The following UNC93B1 variants were observed in gnomAD, a reference collection of about 807,000 sequenced individuals.
UNC93B1 encodes unc-93B1 regulator of TLR signaling.
Under a neutral mutation model 56.8 loss-of-function variants are expected in UNC93B1, and 33 were observed. That is an observed-to-expected ratio of 0.58 (90% CI 0.44 to 0.78). The LOEUF is 0.78. UNC93B1 is among the 30% of genes least tolerant of loss of function. The pLI is 0.00. For missense variants in UNC93B1, 673 were observed against 819.5 expected (o/e 0.82, Z 2.18); for synonymous variants, 334 against 358.6 (o/e 0.93, Z 0.77).
Position 67,995,819 on chromosome 11 carries a change from G to T in UNC93B1, c.1155C>A (p.Gly385=). 6.5e-7 allele frequency: 1 copy of T among 1,545,576 alleles called. No homozygotes were observed. The highest frequency in any genetic ancestry group is 8.7e-7 in the Non-Finnish European group (1 of 1,145,990). ...LAYLLVAYSL[G]ASAASLLGLL... ...GGCCCAGGAGTGAGGCGGCTGAGGC[G>T]CCCAGGCTGTAAGCCACGAGGAGGT... The change falls in exon 9 of 11, where the codon GGC becomes GGA. Residue 385 remains glycine, a synonymous_variant. Transcript: ENST00000227471.
intron 7 of UNC93B1, 77 bp from the exon 8 acceptor site, chr11:67,996,861 G>A (rs925962794): frequency 4.3e-5 from 62 of 1,428,548 alleles, no homozygotes; most frequent in Non-Finnish European, 5.7e-5. Flanking sequence ...CCCTTCAGAT[G>A]CACCACGTGC....
rs1434247968 is a variant in UNC93B1, at chr11:67,991,528, C to T, written c.*18G>A. 26 of 1,398,918 alleles carry T rather than the reference C, an allele frequency of 1.9e-5. No homozygotes were observed. The highest frequency in any genetic ancestry group is 4.7e-5 in the South Asian group (3 of 64,358). 86.7% of individuals were successfully genotyped at this position (1,398,918 alleles called of 1,614,324 possible). On this transcript the variant is annotated 3_prime_UTR_variant, in exon 11 of 11. Coordinates refer to ENST00000227471, the MANE Select transcript of UNC93B1 (RefSeq NM_030930.4). ...GGCCGGCGAGGAGGGAGGCTGAGTC[C>T]GGGGACCAGGCGGCCCCTCACTGCT... is the stretch of plus-strand genomic sequence containing the variant.
chr11:68,001,690 T>C (rs1370568790), intron 3 of UNC93B1, among the ~76,000 whole-genome samples: 1 of 142,918 alleles, frequency 7.0e-6, no homozygotes, highest in Admixed American at 6.9e-5. Flanking sequence ...AAACACATAA[T>C]TTAAAAAAAA....
chr11:67,998,440 AG>A lies in UNC93B1; in HGVS notation c.699del (p.Cys234AlafsTer6). The A allele has an allele frequency of 1.9e-6, 3 of 1,613,972 alleles. No individual in the cohort carries two copies. Among genetic ancestry groups the A allele is most frequent in the Non-Finnish European group, 2.5e-6 (3 of 1,179,864 alleles). On this transcript the variant is annotated frameshift_variant, in exon 6 of 11. Transcript: ENST00000227471. LOFTEE classifies it high-confidence loss of function. Reference protein sequence around the residue: ...IFYSFFHLSFACAQLPMIYFL... With the variant: ...IFYSFFHLSFXCAQLPMIYFL... ...AAATAAATCATGGGCAGCTGGGCGC[AG>A]GCGAAGCTCAGCTGCAGAAACAAGG...
rs1376899603 is a variant in UNC93B1, at chr11:68,003,683, C to A, written c.212G>T (p.Gly71Val). Reference protein sequence around the residue: ...LKNVLAASAGGMLTYGVYLGL... With the variant: ...LKNVLAASAGVMLTYGVYLGL... ...CAGGTAGACGCCGTAGGTGAGCATGCCCCCGGCGCTGGCAGCCAGCACGTT... is the reference window on the plus strand; with the variant it reads ...CAGGTAGACGCCGTAGGTGAGCATGACCCCGGCGCTGGCAGCCAGCACGTT... The change falls in exon 2 of 11, where the codon GGC (glycine) becomes GTC (valine). Residue 71 changes from glycine to valine, a missense_variant. Gly to Val is a moderately radical substitution (Grantham distance 109, BLOSUM62 -3). Transcript: ENST00000227471. The surrounding 1 kb of genome is among the most constrained non-coding windows in gnomAD (Gnocchi z 4.4). 6.5e-7 allele frequency: 1 copy of A among 1,529,034 alleles called. No individual in the cohort carries two copies. The highest frequency in any genetic ancestry group is 1.2e-5 in the South Asian group (1 of 82,682). 94.7% of individuals were successfully genotyped at this position (1,529,034 alleles called of 1,614,324 possible).
intron 3 of UNC93B1, among the ~76,000 whole-genome samples, chr11:68,002,381 A>G (rs1045148844): frequency 6.6e-6 from 1 of 152,112 alleles, no homozygotes; most frequent in Non-Finnish European, 1.5e-5. Context: ...GAGATGTTTT[A>G]AATTTTCAAA....
chr11:67,995,496 G>A (rs1411632368), intron 9 of UNC93B1, 115 bp downstream of exon 9: 3 of 903,628 alleles, frequency 3.3e-6, no homozygotes, highest in Non-Finnish European at 4.9e-6. Context: ...GACCCTATGT[G>A]ACCATGGGAC....
chr11:68,003,092 C>T lies in UNC93B1; in HGVS notation c.322G>A (p.Asp108Asn), dbSNP rs1257161365. Residue 108 changes from aspartate (D) to asparagine (N), a missense_variant, in exon 3 of 11, where the codon GAC (aspartate) becomes AAC (asparagine). Physicochemically the swap from Asp to Asn is conservative, Grantham distance 23. Around this residue, in one of 3 missense-constraint regions of UNC93B1, gnomAD observed 438 missense variants for 465.9 expected, o/e 0.94. Coordinates refer to ENST00000227471, the MANE Select transcript of UNC93B1 (RefSeq NM_030930.4). This position sits in a 1 kb window ranked among gnomAD's most constrained non-coding sequence, Gnocchi z 4.4. ...TTGATGCCCATCAGCATTTTGCTGT[C>T]GATGTCGGGCAGCCCCATGTTGCCA... ...KYGNMGLPDI[D>N]SKMLMGINVT... 1.2e-6 allele frequency: 2 copies of T among 1,613,394 alleles called. No homozygotes were observed. The highest frequency in any genetic ancestry group is 1.7e-6 in the Non-Finnish European group (2 of 1,179,790).
intron 8 of UNC93B1, among the ~76,000 whole-genome samples, chr11:67,996,285 C>T (rs1424030171): frequency 1.3e-5 from 2 of 152,172 alleles, no homozygotes; most frequent in East Asian, 3.9e-4. Context: ...CCTGACCTCG[C>T]TCCAAGGCTC....
At chr11:67,996,883 C>A in intron 7 of UNC93B1, 99 bp from the exon 8 acceptor site, 1 of 1,369,058 alleles carries the variant, frequency 7.3e-7, no homozygotes, top group Non-Finnish European at 9.6e-7. Flanking sequence ...TGGGCCTTGC[C>A]CCAGCTCGGC....
Position 68,003,931 on chromosome 11 carries a change from TC to T in UNC93B1, c.96+16del. 3 of 1,369,006 alleles carry T rather than the reference TC, an allele frequency of 2.2e-6. No homozygotes were observed. The highest frequency in any genetic ancestry group is 2.8e-6 in the Non-Finnish European group (3 of 1,056,758). The allele number at this position is 1,369,006 out of a possible 1,614,324, so 84.8% of individuals were successfully genotyped here. A position where few individuals can be genotyped will look rare whatever the true frequency, so the allele number is the denominator to read the frequency against. On this transcript the variant is annotated intron_variant, in intron 1 of 10. Transcript: ENST00000227471. The surrounding 1 kb of genome is among the most constrained non-coding windows in gnomAD (Gnocchi z 4.4). ...CACAGGGGACGCCCGCGCCTCGCAC[TC>T]CGGGTCCCCGCTCACCGGGGCCTCG...
intron 10 of UNC93B1, among the ~76,000 whole-genome samples, chr11:67,992,992 A>G (rs1330340755): frequency 6.6e-6 from 1 of 151,370 alleles, no homozygotes; most frequent in Non-Finnish European, 1.5e-5. Flanking sequence ...TTCTATTTTT[A>G]TTTTTATTTT....
Position 68,003,940 on chromosome 11 carries a change from CCG to C in UNC93B1, c.96+6_96+7del. The C allele has an allele frequency of 7.3e-7, 1 of 1,378,920 alleles. No homozygotes were observed. The highest frequency in any genetic ancestry group is 9.4e-7 in the Non-Finnish European group (1 of 1,061,660). 85.4% of individuals were successfully genotyped at this position (1,378,920 alleles called of 1,614,324 possible). ...CGCCCGCGCCTCGCACTCCGGGTCC[CCG>C]CTCACCGGGGCCTCGGGCCCGTCCG... On this transcript the variant is annotated splice_donor_region_variant and intron_variant, in intron 1 of 10. Coordinates refer to ENST00000227471, the MANE Select transcript of UNC93B1 (RefSeq NM_030930.4). The surrounding 1 kb of genome is among the most constrained non-coding windows in gnomAD (Gnocchi z 4.4).
Position 67,993,705 on chromosome 11 carries a change from C to T in UNC93B1, c.1453G>A (p.Val485Met), listed in dbSNP as rs199824078. ...HWWQAVAIFT[V>M]YLGSSLHMKA... ...ATGTGCAGGCTCGAGCCCAGGTACA[C>T]GGTGAAGATGGCCACAGCCTGCCAC... The change falls in exon 10 of 11, where the codon GTG becomes ATG. Residue 485 changes from valine to methionine, a missense_variant. Coordinates refer to ENST00000227471, the MANE Select transcript of UNC93B1 (RefSeq NM_030930.4). 2.7e-3 allele frequency: 3,440 copies of T among 1,258,826 alleles called. 18 individuals carry two copies. In the Middle Eastern group the frequency reaches 0.029, roughly 11 times the overall value. The allele number at this position is 1,258,826 out of a possible 1,614,324, so 78.0% of individuals were successfully genotyped here.
chr11:67,999,039 A>G (rs1282407737), intron 5 of UNC93B1, 134 bp downstream of exon 5: 2 of 1,395,780 alleles, frequency 1.4e-6, no homozygotes, highest in Non-Finnish European at 1.9e-6. Flanking sequence ...CATCTGGGCA[A>G]CATAGTGAGA....
At position 67,999,689 on chromosome 11, in the gene UNC93B1, A is replaced by G; in HGVS notation, c.393-9T>C. 6.2e-7 allele frequency: 1 copy of G among 1,609,348 alleles called. No individual in the cohort carries two copies. ...ACTTCGTTCCAAAAAACCTGCGGAC[A>G]GTGGGAGAGATGCTGGCACCACAGG... On this transcript the variant is annotated splice_polypyrimidine_tract_variant and intron_variant, in intron 3 of 10. Transcript: ENST00000227471.
intron 9 of UNC93B1, among the ~76,000 whole-genome samples, chr11:67,994,308 G>A (rs1003969031): frequency 2.6e-5 from 4 of 152,202 alleles, no homozygotes; most frequent in South Asian, 2.1e-4. Flanking sequence ...CGTTCTCAGG[G>A]CTGTAATGTT....
At chr11:68,002,611 C>T (rs1857065359) in intron 3 of UNC93B1, among the ~76,000 whole-genome samples, 1 of 152,118 alleles carries the variant, frequency 6.6e-6, no homozygotes, top group African/African-American at 2.4e-5. Context: ...TGAGAAACAC[C>T]CCCTCAGCAC....
Position 67,996,786 on chromosome 11 carries a change from T to A in UNC93B1, c.907-2A>T. 6.5e-7 allele frequency: 1 copy of A among 1,541,118 alleles called. No individual in the cohort carries two copies. Among genetic ancestry groups the A allele is most frequent in the Non-Finnish European group, 8.8e-7 (1 of 1,138,486 alleles). On this transcript the variant is annotated splice_acceptor_variant, in intron 7 of 10. Coordinates refer to ENST00000227471, the MANE Select transcript of UNC93B1 (RefSeq NM_030930.4). LOFTEE classifies it high-confidence loss of function. Reference sequence around the variant, plus strand: ...AGCGGCTCCGCACAAACCCAGCACCTGCGAACCCATTACTTGAAGGGGCGG... The same window carrying A: ...AGCGGCTCCGCACAAACCCAGCACCAGCGAACCCATTACTTGAAGGGGCGG...
Sources: gnomAD v4.1 joint callset for allele counts (sites outside exome capture counted in the v4.1 genomes callset) on GRCh38, gnomAD v4.1.1 for gene constraint, gnomAD v4.1.1 regional missense constraint, Gnocchi (gnomAD v3.1) non-coding constraint, MANE v1.5 for transcripts, NCBI Gene and HGNC (gene_info 2026-07-23, HGNC 2026-07-21) for gene names.